XKR9: variants seen among roughly 807,000 people sequenced by gnomAD.
The protein encoded by XKR9 is XK-related protein 9.
Under a neutral mutation model 32.0 loss-of-function variants are expected in XKR9, and 32 were observed. The ratio of observed to expected loss-of-function variants is 1.00; its 90% CI spans 0.76 to 1.34. The LOEUF (loss-of-function observed/expected upper bound fraction) is 1.34. Ranked by LOEUF, XKR9 falls within the 40% of genes most tolerant of loss-of-function variation. XKR9 has a pLI of 0.00. For missense variants in XKR9, 546 were observed against 429.7 expected, an observed-to-expected ratio of 1.27 and a Z score of -2.39; for synonymous variants, 168 against 143.4, an observed-to-expected ratio of 1.17 and a Z score of -1.22.
chr8:70,818,072 C>A, the XKR9 span, among the ~76,000 whole-genome samples: 1 of 152,106 alleles, frequency 6.6e-6, no homozygotes, highest in African/African-American at 2.4e-5. Context: ...TTATGACAGT[C>A]CTTAAAAGCA....
chr8:70,982,679 T>C, the XKR9 span, among the ~76,000 whole-genome samples: 1 of 152,168 alleles, frequency 6.6e-6, no homozygotes, highest in Non-Finnish European at 1.5e-5. Flanking sequence ...GCAGTGGTGA[T>C]CCAGTTCCTA....
chr8:70,759,673 G>A (rs541358185), intron 2 of XKR9, among the ~76,000 whole-genome samples: 14 of 152,190 alleles, frequency 9.2e-5, no homozygotes, highest in African/African-American at 3.4e-4. Flanking sequence ...GCATTCCATG[G>A]ACTTGTTTTA....
chr8:70,775,946 A>G (rs1301665431), intron 2 of XKR9, among the ~76,000 whole-genome samples: 1 of 151,986 alleles, frequency 6.6e-6, no homozygotes, highest in African/African-American at 2.4e-5. Context: ...GGGTCTTGCC[A>G]TCTTGCCCTG....
chr8:70,795,737 T>A, the XKR9 span, among the ~76,000 whole-genome samples: 2 of 152,190 alleles, frequency 1.3e-5, 1 homozygote, highest in Admixed American at 1.3e-4. Flanking sequence ...TGATCACTGA[T>A]GTTGAGTTTT....
the XKR9 span, among the ~76,000 whole-genome samples, chr8:70,932,545 T>C: frequency 2.6e-4 from 39 of 152,276 alleles, no homozygotes; most frequent in African/African-American, 8.4e-4. Flanking sequence ...GGACCACTTC[T>C]GTATTAGTTT....
intron 4 of XKR9, among the ~76,000 whole-genome samples, chr8:70,710,387 A>T (rs1279012897): frequency 5.3e-5 from 8 of 152,168 alleles, no homozygotes; most frequent in Non-Finnish European, 1.2e-4. Flanking sequence ...CTTGGCAAAG[A>T]TCTCATGACA....
the XKR9 span, among the ~76,000 whole-genome samples, chr8:70,795,453 A>G: frequency 1.3e-5 from 2 of 151,880 alleles, no homozygotes; most frequent in South Asian, 2.1e-4. Context: ...ATGTCCACAC[A>G]TGTCTTTATG....
At chr8:70,969,933 A>T in the XKR9 span, among the ~76,000 whole-genome samples, 17 of 152,194 alleles carry the variant, frequency 1.1e-4, no homozygotes, top group African/African-American at 4.1e-4. Flanking sequence ...ACCAAAGTCC[A>T]TTGTTTCATC....
chr8:71,031,875 C>A, the XKR9 span, among the ~76,000 whole-genome samples: 1 of 152,180 alleles, frequency 6.6e-6, no homozygotes, highest in Admixed American at 6.5e-5. Flanking sequence ...GAGGATACTG[C>A]TTCCTTGGAC....
At position 70,788,186 on chromosome 8, in the gene XKR9, AT is replaced by A. The variant is rs533233358; in HGVS notation, n.353-1152del. 3.3e-5 allele frequency among the ~76,000 whole-genome samples: 5 copies of A among 152,206 alleles called. No individual in the cohort carries two copies. The South Asian group carries it at 1.0e-3, about 32-fold the overall frequency. On this transcript the variant is annotated intron_variant and non_coding_transcript_variant, in intron 2 of 3. Transcript: ENST00000520273. ...TCTGTTGCACAGTTTCCTGTGGTAAATAATAGCACCAACCCTACAACGTAGT... is the reference window on the plus strand; with the variant it reads ...TCTGTTGCACAGTTTCCTGTGGTAAAAATAGCACCAACCCTACAACGTAGT...
rs375181203 is a variant in XKR9, at chr8:70,777,535, G to A, written n.353-11804G>A. On this transcript the variant is annotated intron_variant and non_coding_transcript_variant, in intron 2 of 3. Transcript: ENST00000520273. ...TAGATCCCTGAGGAATCGCCACACT[G>A]TCTTCCACAATGGTTGAACTAATTT... Among the ~76,000 whole-genome samples the A allele has an allele frequency of 3.4e-4, 52 of 152,270 alleles. No homozygotes were observed. In the South Asian group the frequency reaches 3.7e-3, roughly 11 times the overall value.
At chr8:70,782,014 T>C (rs1365451076) in intron 2 of XKR9, among the ~76,000 whole-genome samples, 1 of 152,198 alleles carries the variant, frequency 6.6e-6, no homozygotes, top group East Asian at 1.9e-4. Context: ...TGATTGTAAA[T>C]TATAAGCTCC....
chr8:71,058,837 C>T, the XKR9 span, among the ~76,000 whole-genome samples: 1 of 152,186 alleles, frequency 6.6e-6, no homozygotes, highest in Non-Finnish European at 1.5e-5. Flanking sequence ...AGGGACAGGT[C>T]TTAGAGCTGC....
the XKR9 span, among the ~76,000 whole-genome samples, chr8:70,830,250 A>T: frequency 2.0e-5 from 3 of 152,108 alleles, no homozygotes; most frequent in African/African-American, 7.2e-5. Flanking sequence ...TTTGCTCATC[A>T]GTTTCAAGGA....
At chr8:70,895,108 G>T in the XKR9 span, among the ~76,000 whole-genome samples, 45 of 152,288 alleles carry the variant, frequency 3.0e-4, no homozygotes, top group African/African-American at 1.1e-3. Flanking sequence ...CCCCATTGGT[G>T]AGTTCTCTAG....
At chr8:70,774,359 T>C (rs996484793) in intron 2 of XKR9, among the ~76,000 whole-genome samples, 1 of 152,118 alleles carries the variant, frequency 6.6e-6, no homozygotes, top group Admixed American at 6.6e-5. Flanking sequence ...GGTCTTGGAC[T>C]CCTGGGTTCA....
chr8:71,037,492 T>G, the XKR9 span, among the ~76,000 whole-genome samples: 1 of 152,194 alleles, frequency 6.6e-6, no homozygotes, highest in Non-Finnish European at 1.5e-5. Context: ...ACACAGAGAC[T>G]AGCTCTTGGG....
chr8:71,012,395 T>C, the XKR9 span, among the ~76,000 whole-genome samples: 2 of 152,176 alleles, frequency 1.3e-5, no homozygotes, highest in Non-Finnish European at 2.9e-5. Flanking sequence ...GCTATGGGTG[T>C]GTTTGAGGGT....
chr8:70,811,571 A>G, the XKR9 span, among the ~76,000 whole-genome samples: 36 of 152,330 alleles, frequency 2.4e-4, no homozygotes, highest in African/African-American at 8.4e-4. Context: ...AAAAGAGGGA[A>G]GAATCAAATA....
Sources: gnomAD v4.1 joint callset for allele counts (sites outside exome capture counted in the v4.1 genomes callset) on GRCh38, gnomAD v4.1.1 for gene constraint, MANE v1.5 for transcripts, NCBI Gene and HGNC (gene_info 2026-07-23, HGNC 2026-07-21) for gene names.